PGCKA1: variants seen among roughly 807,000 people sequenced by gnomAD.
PGCKA1 encodes PDCD10 and GCKIII kinases associated 1.
the PGCKA1 span, among the ~76,000 whole-genome samples, chr4:37,534,281 A>C: frequency 6.6e-6 from 1 of 152,232 alleles, no homozygotes; most frequent in East Asian, 1.9e-4. Context: ...GTGAGCCACA[A>C]GAACCTGGGT....
the PGCKA1 span, among the ~76,000 whole-genome samples, chr4:37,507,836 C>G: frequency 3.9e-5 from 6 of 152,080 alleles, no homozygotes; most frequent in Non-Finnish European, 8.8e-5. Flanking sequence ...TGAAATACTC[C>G]CTTTAGCCTT....
chr4:37,472,982 G>C, the PGCKA1 span, among the ~76,000 whole-genome samples: 1 of 152,156 alleles, frequency 6.6e-6, no homozygotes, highest in African/African-American at 2.4e-5. Context: ...ATCTGTGGAA[G>C]GTTACAGAAT....
At chr4:37,488,537 G>C in the PGCKA1 span, among the ~76,000 whole-genome samples, 1 of 152,190 alleles carries the variant, frequency 6.6e-6, no homozygotes, top group East Asian at 1.9e-4. Flanking sequence ...AGCAGCAGAA[G>C]TAGCCAGAGT....
the PGCKA1 span, among the ~76,000 whole-genome samples, chr4:37,494,812 G>A: frequency 6.6e-6 from 1 of 152,078 alleles, no homozygotes; most frequent in South Asian, 2.1e-4. Flanking sequence ...TTTAATAATA[G>A]CCATTCTGAC....
At chr4:37,468,787 T>C in the PGCKA1 span, among the ~76,000 whole-genome samples, 1 of 152,202 alleles carries the variant, frequency 6.6e-6, no homozygotes, top group Non-Finnish European at 1.5e-5. Context: ...TTCTAAAGTC[T>C]TTCAAACCAG....
the PGCKA1 span, among the ~76,000 whole-genome samples, chr4:37,469,992 G>A: frequency 2.0e-5 from 3 of 152,178 alleles, no homozygotes; most frequent in Non-Finnish European, 4.4e-5. Context: ...CAGTTTGTAT[G>A]CATAAACATT....
At chr4:37,478,150 C>CA in the PGCKA1 span, among the ~76,000 whole-genome samples, 3 of 113,914 alleles carry the variant, frequency 2.6e-5, 1 homozygote, top group Admixed American at 8.9e-5. Context: ...ACACCCCCCC[C>CA]CACCGCCACT....
the PGCKA1 span, among the ~76,000 whole-genome samples, chr4:37,470,248 TC>T: frequency 6.6e-6 from 1 of 152,152 alleles, no homozygotes; most frequent in African/African-American, 2.4e-5. Flanking sequence ...AAGAAAAAAA[TC>T]AATTACCTCA....
the PGCKA1 span, among the ~76,000 whole-genome samples, chr4:37,484,575 T>G: frequency 2.6e-5 from 4 of 152,224 alleles, no homozygotes; most frequent in Non-Finnish European, 5.9e-5. Context: ...CCCTTATGAT[T>G]ATCAGCTTCC....
At chr4:37,461,379 A>G in the PGCKA1 span, among the ~76,000 whole-genome samples, 2 of 152,056 alleles carry the variant, frequency 1.3e-5, no homozygotes, top group African/African-American at 2.4e-5. Context: ...TTTGATGGGA[A>G]TAGCATTGAA....
the PGCKA1 span, among the ~76,000 whole-genome samples, chr4:37,540,882 C>T: frequency 6.6e-6 from 1 of 151,910 alleles, no homozygotes; most frequent in African/African-American, 2.4e-5. Flanking sequence ...ATTCTTGCAA[C>T]CAGTGTTAGA....
At chr4:37,528,728 G>A in the PGCKA1 span, among the ~76,000 whole-genome samples, 1 of 152,202 alleles carries the variant, frequency 6.6e-6, no homozygotes, top group African/African-American at 2.4e-5. Flanking sequence ...GCGGTAGCAA[G>A]AGTTCAAGGG....
chr4:37,454,566 G>T, the PGCKA1 span, among the ~76,000 whole-genome samples: 3 of 152,224 alleles, frequency 2.0e-5, no homozygotes, highest in African/African-American at 7.2e-5. Context: ...CCTGGGCAGT[G>T]GGTAGGGGTG....
chr4:37,565,677 A>G, the PGCKA1 span, among the ~76,000 whole-genome samples: 5 of 152,320 alleles, frequency 3.3e-5, no homozygotes, highest in South Asian at 1.0e-3. Context: ...CCCAATGTCT[A>G]GCCAGTGCTA....
the PGCKA1 span, among the ~76,000 whole-genome samples, chr4:37,534,353 C>T: frequency 2.6e-5 from 4 of 152,252 alleles, no homozygotes; most frequent in African/African-American, 4.8e-5. Context: ...CTAGAGTTAC[C>T]GTTTTCTTAA....
chr4:37,453,665 T>G, the PGCKA1 span, among the ~76,000 whole-genome samples: 4 of 151,596 alleles, frequency 2.6e-5, no homozygotes, highest in Non-Finnish European at 5.9e-5. Flanking sequence ...CCCCGGAGTT[T>G]CCCGTGATGG....
the PGCKA1 span, among the ~76,000 whole-genome samples, chr4:37,509,982 A>G: frequency 9.0e-6 from 1 of 111,418 alleles, no homozygotes. Context: ...ACCGTGGGAG[A>G]GGGAGAGGGA....
the PGCKA1 span, among the ~76,000 whole-genome samples, chr4:37,531,446 G>T: frequency 5.3e-5 from 8 of 152,130 alleles, no homozygotes; most frequent in Non-Finnish European, 1.2e-4. Context: ...AATTGTCTGG[G>T]AAATGCATTT....
the PGCKA1 span, among the ~76,000 whole-genome samples, chr4:37,540,585 G>A: frequency 2.0e-5 from 3 of 152,150 alleles, no homozygotes; most frequent in African/African-American, 7.2e-5. Context: ...ATATTTCCTT[G>A]TGCAAAGTAG....
Sources: allele counts gnomAD v4.1 joint callset (sites outside exome capture counted in the v4.1 genomes callset), GRCh38; gene constraint gnomAD v4.1.1; transcripts MANE v1.5; gene names NCBI Gene and HGNC (gene_info 2026-07-23, HGNC 2026-07-21).